Variants in LINGO2 observed in about 807,000 individuals in gnomAD.
LINGO2 encodes the protein leucine-rich repeat and immunoglobulin-like domain-containing nogo receptor-interacting protein 2.
In LINGO2, 14 loss-of-function variants were observed where a neutral mutation model predicts 30.6. The observed-to-expected ratio is 0.46, with a 90% CI of 0.30 to 0.72. The LOEUF is 0.72. Ranked by LOEUF, LINGO2 falls within the 30% of genes least tolerant of loss-of-function variation. LINGO2 has a pLI of 0.07. For synonymous variants in LINGO2, 317 were observed against 288.5 expected (o/e 1.10, Z -1.00); for missense variants, 729 against 751.7 (o/e 0.97, Z 0.35).
intron 2 of LINGO2, among the ~76,000 whole-genome samples, chr9:28,384,383 A>T (rs995209365): frequency 2.7e-4 from 38 of 139,086 alleles, no homozygotes; most frequent in African/African-American, 9.4e-4. Flanking sequence ...AACTTAAAAA[A>T]GGTAATAATG....
chr9:29,074,234 A>T, the LINGO2 span, among the ~76,000 whole-genome samples: 1 of 152,184 alleles, frequency 6.6e-6, no homozygotes, highest in Non-Finnish European at 1.5e-5. Flanking sequence ...ATCAATATGT[A>T]AATTAAATGA....
chr9:28,584,144 C>T lies in LINGO2; in HGVS notation c.-365+86056G>A, dbSNP rs541413493. ...CATTTTTGGTGTTTTGTTACAGTAG[C>T]GAAAAACAGATTTAGACACATGCCC... On this transcript the variant is annotated intron_variant, in intron 1 of 5. Transcript: ENST00000379992. Among the ~76,000 whole-genome samples the T allele has an allele frequency of 1.1e-4, 17 of 152,000 alleles. No individual in the cohort carries two copies. The East Asian group carries it at 2.1e-3, about 19-fold the overall frequency.
At chr9:28,723,712 C>A in the LINGO2 span, among the ~76,000 whole-genome samples, 2 of 152,026 alleles carry the variant, frequency 1.3e-5, no homozygotes, top group African/African-American at 4.8e-5. Flanking sequence ...TCACAGAACA[C>A]CTCTATACCT....
At chr9:28,395,423 T>C (rs1821999240) in intron 2 of LINGO2, among the ~76,000 whole-genome samples, 1 of 152,192 alleles carries the variant, frequency 6.6e-6, no homozygotes, top group Admixed American at 6.5e-5. Context: ...TAGAAGAGTA[T>C]GTATTCGTTG....
the LINGO2 span, among the ~76,000 whole-genome samples, chr9:29,203,797 T>G: frequency 6.6e-6 from 1 of 152,230 alleles, no homozygotes; most frequent in African/African-American, 2.4e-5. Context: ...CTGACATTTC[T>G]TGTGCAACAT....
At chr9:27,990,179 C>T (rs1264387779) in intron 5 of LINGO2, among the ~76,000 whole-genome samples, 1 of 151,986 alleles carries the variant, frequency 6.6e-6, no homozygotes, top group Non-Finnish European at 1.5e-5. Context: ...TATGAAATTG[C>T]CAATATTCTA....
intron 3 of LINGO2, among the ~76,000 whole-genome samples, chr9:28,326,375 A>G (rs1385872220): frequency 6.6e-6 from 1 of 152,168 alleles, no homozygotes; most frequent in East Asian, 1.9e-4. Flanking sequence ...TTTTTTCCTC[A>G]GATTCTTTAA....
At chr9:28,315,823 CTATGAA>C (rs1222455815) in intron 3 of LINGO2, among the ~76,000 whole-genome samples, 1 of 152,112 alleles carries the variant, frequency 6.6e-6, no homozygotes, top group East Asian at 1.9e-4. Context: ...GGAGTAAAAA[CTATGAA>C]TATGACATTC....
At chr9:29,020,524 T>C in the LINGO2 span, among the ~76,000 whole-genome samples, 1 of 152,138 alleles carries the variant, frequency 6.6e-6, no homozygotes, top group Admixed American at 6.6e-5. Context: ...ATGACTTTAT[T>C]AATAGGTAAG....
chr9:28,099,400 G>A (rs1337159889), intron 4 of LINGO2, among the ~76,000 whole-genome samples: 1 of 152,090 alleles, frequency 6.6e-6, no homozygotes, highest in African/African-American at 2.4e-5. Context: ...ATACCCTAAT[G>A]TTTGTTCCAT....
At chr9:28,300,670 C>T (rs1374964017) in intron 3 of LINGO2, among the ~76,000 whole-genome samples, 1 of 151,790 alleles carries the variant, frequency 6.6e-6, no homozygotes, top group African/African-American at 2.4e-5. Context: ...TTTTTTCTTC[C>T]TCCCTTCCAT....
chr9:28,119,639 G>A (rs1294163176), intron 4 of LINGO2, among the ~76,000 whole-genome samples: 2 of 152,064 alleles, frequency 1.3e-5, no homozygotes, highest in African/African-American at 2.4e-5. Context: ...CTCATTCTAC[G>A]ATCTAACAAG....
the LINGO2 span, among the ~76,000 whole-genome samples, chr9:28,822,244 G>A: frequency 2.0e-5 from 3 of 152,226 alleles, no homozygotes; most frequent in South Asian, 2.1e-4. Flanking sequence ...AATGGAGGCC[G>A]AATAAAAAGC....
At chr9:28,126,971 G>A (rs964182018) in intron 4 of LINGO2, among the ~76,000 whole-genome samples, 2 of 152,124 alleles carry the variant, frequency 1.3e-5, no homozygotes, top group African/African-American at 4.8e-5. Flanking sequence ...AAAGAATTTT[G>A]TTAGACACAT....
chr9:28,782,864 A>G, the LINGO2 span, among the ~76,000 whole-genome samples: 3 of 152,216 alleles, frequency 2.0e-5, no homozygotes, highest in Non-Finnish European at 4.4e-5. Context: ...TGCAGAGCAC[A>G]CTTACACAAA....
intron 4 of LINGO2, among the ~76,000 whole-genome samples, chr9:28,131,422 G>A (rs1827375425): frequency 6.6e-6 from 1 of 151,966 alleles, no homozygotes; most frequent in African/African-American, 2.4e-5. Context: ...CTTATCACTG[G>A]CAATAAACTT....
At chr9:28,745,979 T>C in the LINGO2 span, among the ~76,000 whole-genome samples, 11 of 151,886 alleles carry the variant, frequency 7.2e-5, no homozygotes. Context: ...ATACAAACTA[T>C]CAAATATAAG....
chr9:28,597,317 T>G (rs757581843), intron 1 of LINGO2, among the ~76,000 whole-genome samples: 1 of 152,160 alleles, frequency 6.6e-6, no homozygotes, highest in African/African-American at 2.4e-5. Context: ...CTTCTTGGAA[T>G]GGAGTTTGTT....
chr9:28,129,561 T>C lies in LINGO2; in HGVS notation c.-86-117156A>G, dbSNP rs1332835253. ...CCATGTGAATGGATCTAGGATTACTTCCCTGACTCTTCCCAACTCACTTGA... is the reference window on the plus strand; with the variant it reads ...CCATGTGAATGGATCTAGGATTACTCCCCTGACTCTTCCCAACTCACTTGA... On this transcript the variant is annotated intron_variant, in intron 4 of 5. Transcript: ENST00000379992. The surrounding 1 kb of genome is among the most constrained non-coding windows in gnomAD (Gnocchi z 4.0). 6.6e-6 allele frequency: 1 copy of C among 152,192 alleles called. No homozygotes were observed. Among genetic ancestry groups the C allele is most frequent in the African/African-American group, 2.4e-5 (1 of 41,446 alleles). The allele number at this position is 152,192 out of a possible 1,614,324, so 9.4% of individuals were successfully genotyped here.
Sources: gnomAD v4.1 joint callset for allele counts (sites outside exome capture counted in the v4.1 genomes callset) on GRCh38, gnomAD v4.1.1 for gene constraint, Gnocchi (gnomAD v3.1) non-coding constraint, MANE v1.5 for transcripts, NCBI Gene and HGNC (gene_info 2026-07-23, HGNC 2026-07-21) for gene names.